Variants in MAPKAPK2 observed in about 807,000 individuals in gnomAD.
MAPKAPK2 encodes the protein MAP kinase-activated protein kinase 2.
Under a neutral mutation model 48.8 loss-of-function variants are expected in MAPKAPK2, and 9 were observed. That is an observed-to-expected ratio of 0.18 (90% CI 0.11 to 0.32). The LOEUF (loss-of-function observed/expected upper bound fraction) is 0.32. MAPKAPK2 is among the 10% of genes least tolerant of loss of function. MAPKAPK2 has a pLI of 1.00. For missense variants in MAPKAPK2, 331 were observed against 498.3 expected (o/e 0.66, Z 3.20); for synonymous variants, 202 against 190.6 (o/e 1.06, Z -0.49).
chr1:206,716,736 C>A (rs1286931978), intron 1 of MAPKAPK2, among the ~76,000 whole-genome samples: 1 of 152,070 alleles, frequency 6.6e-6, no homozygotes, highest in Non-Finnish European at 1.5e-5. Context: ...CGCAGTGTTC[C>A]TGACCTCCTT....
intron 1 of MAPKAPK2, among the ~76,000 whole-genome samples, chr1:206,705,028 C>T (rs1166051377): frequency 6.6e-6 from 1 of 152,174 alleles, no homozygotes; most frequent in Non-Finnish European, 1.5e-5. Context: ...TTTGTTTAAC[C>T]TGGTGCTTCT....
Position 206,730,067 on chromosome 1 carries a change from G to A in MAPKAPK2, c.660G>A (p.Leu220=), listed in dbSNP as rs1553432418. The A allele has an allele frequency of 6.2e-7, 1 of 1,614,228 alleles. No homozygotes were observed. The highest frequency in any genetic ancestry group is 1.7e-5 in the Admixed American group (1 of 60,034). The change falls in exon 5 of 10, where the codon TTG becomes TTA. Residue 220 remains leucine (L), a synonymous_variant. Coordinates refer to ENST00000367103, the MANE Select transcript of MAPKAPK2 (RefSeq NM_032960.4). ...FAKETTSHNS[L]TTPCYTPYYV... ...AGGAAACCACCAGCCACAACTCTTT[G>A]ACCACTCCTTGTTATACACCGTACT...
chr1:206,723,476 G>A (rs1040859882), intron 1 of MAPKAPK2, among the ~76,000 whole-genome samples: 4 of 152,214 alleles, frequency 2.6e-5, no homozygotes, highest in South Asian at 4.1e-4. Context: ...GCACAAAGGG[G>A]TTGGAAACTT....
At chr1:206,709,538 A>T (rs1673073813) in intron 1 of MAPKAPK2, among the ~76,000 whole-genome samples, 2 of 152,208 alleles carry the variant, frequency 1.3e-5, no homozygotes, top group African/African-American at 4.8e-5. Flanking sequence ...AGATCAGATG[A>T]GTTAATGTTT....
chr1:206,724,117 A>G (rs1553431614), intron 1 of MAPKAPK2, among the ~76,000 whole-genome samples: 1 of 152,176 alleles, frequency 6.6e-6, no homozygotes. Context: ...TCCTTCTTCT[A>G]GTCTCCAGTC....
chr1:206,699,669 G>A (rs782749074), intron 1 of MAPKAPK2, among the ~76,000 whole-genome samples: 9 of 152,330 alleles, frequency 5.9e-5, no homozygotes, highest in East Asian at 1.9e-4. Flanking sequence ...CCCTCATATG[G>A]CTTCTCTTTT....
At position 206,691,978 on chromosome 1, in the gene MAPKAPK2, G is replaced by T. The variant is rs185328358; in HGVS notation, c.279+6470G>T. 6.8e-3 allele frequency among the ~76,000 whole-genome samples: 1,038 copies of T among 152,326 alleles called. 12 individuals are homozygous for T. The highest frequency in any genetic ancestry group is 0.023 in the African/African-American group (973 of 41,552). Reference sequence around the variant, plus strand: ...AGGATAGACTACGTAATTTAGCAGGGTGTGCATCTTCTCTTTCCTTAAAAT... The same window carrying T: ...AGGATAGACTACGTAATTTAGCAGGTTGTGCATCTTCTCTTTCCTTAAAAT... On this transcript the variant is annotated intron_variant, in intron 1 of 9. Transcript: ENST00000367103.
At position 206,732,407 on chromosome 1, in the gene MAPKAPK2, G is replaced by A; in HGVS notation, c.1060-168G>A. The A allele has an allele frequency of 6.9e-7, 1 of 1,457,192 alleles. No individual in the cohort carries two copies. The highest frequency in any genetic ancestry group is 2.7e-5 in the Admixed American group (1 of 36,984). The allele number at this position is 1,457,192 out of a possible 1,614,324, so 90.3% of individuals were successfully genotyped here. On this transcript the variant is annotated intron_variant, in intron 9 of 9. Transcript: ENST00000367103. This position sits in a 1 kb window ranked among gnomAD's most constrained non-coding sequence, Gnocchi z 4.4. ...TGCTGCCCAGCGCTGGGGTGAGGCTGCCGTTGTCAGCGTGGACCACTAACC... is the reference window on the plus strand; with the variant it reads ...TGCTGCCCAGCGCTGGGGTGAGGCTACCGTTGTCAGCGTGGACCACTAACC...
chr1:206,713,889 A>G (rs1227062846), intron 1 of MAPKAPK2, among the ~76,000 whole-genome samples: 4 of 151,082 alleles, frequency 2.6e-5, no homozygotes, highest in Admixed American at 2.6e-4. Flanking sequence ...ACACAAGAGA[A>G]AAGGGGCTGC....
intron 1 of MAPKAPK2, among the ~76,000 whole-genome samples, chr1:206,686,526 T>C (rs1250766464): frequency 1.3e-5 from 2 of 151,992 alleles, no homozygotes; most frequent in African/African-American, 4.8e-5. Flanking sequence ...CTCACAGGGG[T>C]TTCAGGTCAA....
At chr1:206,686,656 C>G (rs952606470) in intron 1 of MAPKAPK2, among the ~76,000 whole-genome samples, 2 of 152,200 alleles carry the variant, frequency 1.3e-5, no homozygotes, top group Admixed American at 6.5e-5. Flanking sequence ...CCACAGCGAG[C>G]TGTATTTCAG....
chr1:206,722,784 G>A (rs1433275047), intron 1 of MAPKAPK2, among the ~76,000 whole-genome samples: 2 of 152,208 alleles, frequency 1.3e-5, no homozygotes, highest in Non-Finnish European at 2.9e-5. Flanking sequence ...AGGTTGCTGA[G>A]GCTCACCTGC....
At chr1:206,729,150 G>T (rs1553432288) in intron 3 of MAPKAPK2, 51 bp downstream of exon 3, 11 of 1,577,524 alleles carry the variant, frequency 7.0e-6, no homozygotes, top group Non-Finnish European at 8.7e-6. Context: ...GGCAGTGGGG[G>T]TCTGAAGGGG....
intron 1 of MAPKAPK2, among the ~76,000 whole-genome samples, chr1:206,700,793 A>G (rs993730274): frequency 5.3e-5 from 8 of 152,142 alleles, no homozygotes. Flanking sequence ...TTCCAGTACA[A>G]ACCAGTTTTG....
rs1315340449 is a variant in MAPKAPK2, at chr1:206,704,356, G to A, written c.279+18848G>A. On this transcript the variant is annotated intron_variant, in intron 1 of 9. Transcript: ENST00000367103. This position sits in a 1 kb window ranked among gnomAD's most constrained non-coding sequence, Gnocchi z 4.3. ...CAGGGTCCCCTTGCTGGGCACGCTT[G>A]GCAGGCATCCTGCTTTTCCTTTCAG... 1.3e-5 allele frequency among the ~76,000 whole-genome samples: 2 copies of A among 152,222 alleles called. No individual in the cohort carries two copies. The highest frequency in any genetic ancestry group is 2.9e-5 in the Non-Finnish European group (2 of 68,040).
intron 1 of MAPKAPK2, among the ~76,000 whole-genome samples, chr1:206,686,833 C>T (rs781945107): frequency 6.6e-6 from 1 of 152,038 alleles, no homozygotes. Context: ...CATACTCAAC[C>T]CTGTTACAGT....
chr1:206,693,062 TC>T (rs1672506322), intron 1 of MAPKAPK2, among the ~76,000 whole-genome samples: 1 of 152,178 alleles, frequency 6.6e-6, no homozygotes, highest in African/African-American at 2.4e-5. Flanking sequence ...ACTTTCGTCC[TC>T]CGGCGGGGCT....
At chr1:206,723,709 G>A (rs1049540842) in intron 1 of MAPKAPK2, among the ~76,000 whole-genome samples, 2 of 152,240 alleles carry the variant, frequency 1.3e-5, no homozygotes, top group Non-Finnish European at 2.9e-5. Context: ...AGACTTGCAG[G>A]AGGAGATGAG....
chr1:206,729,534 G>A lies in MAPKAPK2; in HGVS notation c.564+59G>A. The A allele has an allele frequency of 4.8e-6, 7 of 1,454,314 alleles. No individual in the cohort carries two copies. The African/African-American group carries it at 5.6e-5, about 12-fold the overall frequency. 90.1% of individuals were successfully genotyped at this position (1,454,314 alleles called of 1,614,324 possible). ...TGTGGGGGGCAACAAAGGGGCTGTG[G>A]CCACCCCAGAGATGGTTGCCAGGCC... is the stretch of plus-strand genomic sequence containing the variant. On this transcript the variant is annotated intron_variant, in intron 4 of 9. Coordinates refer to ENST00000367103, the MANE Select transcript of MAPKAPK2 (RefSeq NM_032960.4).
Sources: gnomAD v4.1 joint callset for allele counts (sites outside exome capture counted in the v4.1 genomes callset) on GRCh38, gnomAD v4.1.1 for gene constraint, Gnocchi (gnomAD v3.1) non-coding constraint, MANE v1.5 for transcripts, NCBI Gene and HGNC (gene_info 2026-07-23, HGNC 2026-07-21) for gene names.